Variants in ADGRG2 observed in about 807,000 individuals in gnomAD.
The protein encoded by ADGRG2 is adhesion G protein-coupled receptor G2.
ADGRG2 carries 26 observed loss-of-function variants against 74.1 expected under a neutral mutation model. That is an observed-to-expected ratio of 0.35 (90% CI 0.26 to 0.49). The LOEUF (loss-of-function observed/expected upper bound fraction) is 0.49. Among genes scored for constraint, ADGRG2 ranks in the 20% least tolerant of loss-of-function variants. ADGRG2 has a pLI of 0.99. For missense variants in ADGRG2, 619 were observed against 763.1 expected, an observed-to-expected ratio of 0.81 and a Z score of 2.22; for synonymous variants, 296 against 295.2, an observed-to-expected ratio of 1.00 and a Z score of -0.03.
At chrX:19,013,101 G>C (rs778168166) in intron 16 of ADGRG2, among the ~76,000 whole-genome samples, 1 of 111,012 alleles carries the variant, frequency 9.0e-6, no homozygotes, top group African/African-American at 3.3e-5. Context: ...CCCAAGCCTG[G>C]GTCTTCACAG....
At chrX:19,101,439 G>C (rs548458277) in intron 1 of ADGRG2, among the ~76,000 whole-genome samples, 56 of 111,245 alleles carry the variant, frequency 5.0e-4, no homozygotes, top group African/African-American at 1.8e-3. Context: ...GGTGGCTCAC[G>C]CCTGTAATCC....
At chrX:19,030,378 G>A (rs2060800915) in intron 9 of ADGRG2, among the ~76,000 whole-genome samples, 1 of 112,120 alleles carries the variant, frequency 8.9e-6, no homozygotes, top group Non-Finnish European at 1.9e-5. Context: ...CTGGCCCATG[G>A]CAGAAGGGAA....
chrX:19,113,274 A>G (rs999366847), intron 1 of ADGRG2, among the ~76,000 whole-genome samples: 1 of 109,062 alleles, frequency 9.2e-6, no homozygotes, highest in Non-Finnish European at 1.9e-5. Context: ...GCTACTCGGG[A>G]AGCTGAGGCA....
chrX:19,105,948 A>AAAAAG (rs2062282085), intron 1 of ADGRG2, among the ~76,000 whole-genome samples: 1 of 106,493 alleles, frequency 9.4e-6, no homozygotes, highest in African/African-American at 3.4e-5. Flanking sequence ...AAAAAAAAAA[A>AAAAAG]AAGAAGAAGA....
In ADGRG2 at chrX:19,117,119, G is replaced by A. The variant is rs573068282; in HGVS notation, c.-47+5323C>T. On this transcript the variant is annotated intron_variant, in intron 1 of 28. Coordinates refer to ENST00000379869, the MANE Select transcript of ADGRG2 (RefSeq NM_001079858.3). ...AACCTGGCCAAGATGGTGAAACCTC[G>A]TCTCTACTAAAAATACAAAAAAAAA... Among the ~76,000 whole-genome samples the A allele has an allele frequency of 1.6e-4, 18 of 109,393 alleles. No homozygotes were observed. In the South Asian group the frequency reaches 7.2e-3, roughly 44 times the overall value. 95.0% of individuals were successfully genotyped at this position (109,393 alleles called of 115,157 possible).
At chrX:19,009,112 A>C (rs933664404) in intron 18 of ADGRG2, among the ~76,000 whole-genome samples, 3 of 110,793 alleles carry the variant, frequency 2.7e-5, no homozygotes, top group Admixed American at 1.9e-4. Context: ...TCCAAAATTC[A>C]GCTGCTAAAG....
rs1174223314 is a variant in ADGRG2, at chrX:19,009,712, G to A, written c.1336C>T (p.Pro446Ser). The stretch of plus-strand genomic sequence containing the variant: ...CTGATCACAGCCAGAGCCAAAGAAG[G>A]GGAGGTTAGACTTATAGTCGTGTTT... ...FSNTTISLTSPSLALAVIRVN... is the reference protein window; with the variant it reads ...FSNTTISLTSSSLALAVIRVN... The change falls in exon 18 of 29, where the codon CCT (proline) becomes TCT (serine). Residue 446 changes from proline to serine, a missense_variant. Pro to Ser is a moderately conservative substitution (Grantham distance 74). Coordinates refer to ENST00000379869, the MANE Select transcript of ADGRG2 (RefSeq NM_001079858.3). The A allele has an allele frequency of 8.3e-7, 1 of 1,202,037 alleles. No homozygotes were observed. Among genetic ancestry groups the A allele is most frequent in the East Asian group, 3.0e-5 (1 of 33,836 alleles).
At chrX:19,007,134 G>A in intron 20 of ADGRG2, 101 bp downstream of exon 20, 2 of 864,801 alleles carry the variant, frequency 2.3e-6, no homozygotes, top group Non-Finnish European at 3.4e-6. Context: ...TGAGCTGAAG[G>A]TTCTTTCTGC....
At chrX:19,050,906 C>T (rs2061307849) in intron 3 of ADGRG2, among the ~76,000 whole-genome samples, 1 of 111,378 alleles carries the variant, frequency 9.0e-6, no homozygotes, top group African/African-American at 3.3e-5. Context: ...CCGGACCTCA[C>T]AGTCTCAGAG....
In ADGRG2 at chrX:18,996,092, C is replaced by T. The variant is rs142899178; in HGVS notation, c.2675G>A (p.Arg892Gln). 2.4e-3 allele frequency: 2,887 copies of T among 1,186,107 alleles called. 5 individuals are homozygous for T. Among genetic ancestry groups the T allele is most frequent in the Non-Finnish European group, 3.1e-3 (2,707 of 874,923 alleles). ...CCGTAACTTTCCACAACAAAGATAC[C>T]GCCTCCATTGCTTCCTGACATTTTC... ...AKENVRKQWR[R>Q]YLCCGKLRLA... The change falls in exon 27 of 29, where the codon CGG becomes CAG. Residue 892 changes from arginine (R) to glutamine (Q), a missense_variant. This residue lies in a region of ADGRG2 where 106 missense variants were observed against 104.5 expected (regional missense o/e 1.01). Transcript: ENST00000379869.
chrX:19,012,660 A>T (rs969091462), intron 16 of ADGRG2, among the ~76,000 whole-genome samples: 5 of 109,145 alleles, frequency 4.6e-5, no homozygotes, highest in Admixed American at 9.9e-5. Context: ...GAAACAATTT[A>T]AAAAACTTTA....
chrX:19,030,073 A>G (rs1268630939), intron 9 of ADGRG2, among the ~76,000 whole-genome samples: 1 of 112,068 alleles, frequency 8.9e-6, no homozygotes, highest in Admixed American at 9.5e-5. Context: ...AATTTATCCA[A>G]CCTTATTTTA....
intron 9 of ADGRG2, among the ~76,000 whole-genome samples, chrX:19,029,601 G>A (rs1018346730): frequency 2.7e-5 from 3 of 111,229 alleles, no homozygotes; most frequent in Non-Finnish European, 3.8e-5. Context: ...TGTTGTCACC[G>A]ACACTAAAAC....
chrX:19,014,033 C>T lies in ADGRG2; in HGVS notation c.752G>A (p.Arg251His). The T allele has an allele frequency of 8.3e-7, 1 of 1,206,540 alleles. No individual in the cohort carries two copies. Among genetic ancestry groups the T allele is most frequent in the Non-Finnish European group, 1.1e-6 (1 of 892,195 alleles). Residue 251 changes from arginine to histidine, a missense_variant, in exon 16 of 29, where the codon CGT (arginine) becomes CAT (histidine). Physicochemically the swap from Arg to His is conservative, Grantham distance 29. This residue lies in a region of ADGRG2 where 292 missense variants were observed against 318.0 expected (regional missense o/e 0.92). Coordinates refer to ENST00000379869, the MANE Select transcript of ADGRG2 (RefSeq NM_001079858.3). ...TTGGCTGGAAGAAAATGGTGGGCCA[C>T]GTGGATGGTCAGCAAGACAGACAAT... ...DPIVCLADHP[R>H]GPPFSSSQSI... is the part of the protein sequence containing the mutation.
At chrX:19,003,694 G>C (rs769807572) in intron 23 of ADGRG2, among the ~76,000 whole-genome samples, 1 of 111,530 alleles carries the variant, frequency 9.0e-6, no homozygotes, top group African/African-American at 3.3e-5. Flanking sequence ...GACTGTTGAC[G>C]CATACTTTTA....
At chrX:19,007,749 G>T in intron 19 of ADGRG2, among the ~76,000 whole-genome samples, 1 of 112,058 alleles carries the variant, frequency 8.9e-6, no homozygotes, top group Non-Finnish European at 1.9e-5. Flanking sequence ...GTTAACATTT[G>T]TAACTGCTTA....
In ADGRG2 at chrX:18,991,013, T is replaced by C. The variant is rs1357687185; in HGVS notation, c.2905A>G (p.Ser969Gly). 1 of 1,198,937 alleles carries C rather than the reference T, an allele frequency of 8.3e-7. No individual in the cohort carries two copies. The change falls in exon 29 of 29, where the codon AGT (serine) becomes GGT (glycine). Residue 969 changes from serine (S) to glycine (G), a missense_variant. Ser to Gly is a moderately conservative substitution (Grantham distance 56). Coordinates refer to ENST00000379869, the MANE Select transcript of ADGRG2 (RefSeq NM_001079858.3). ...ASTERNGVSFSVQNGDVCLHD... is the reference protein window; with the variant it reads ...ASTERNGVSFGVQNGDVCLHD... ...AGGCACACATCTCCATTCTGAACACTAAAAGAGACCCCATTCCTCTCTGTA... is the reference window on the plus strand; with the variant it reads ...AGGCACACATCTCCATTCTGAACACCAAAAGAGACCCCATTCCTCTCTGTA...
At chrX:19,030,851 C>G in intron 9 of ADGRG2, 133 bp downstream of exon 9, 1 of 439,640 alleles carries the variant, frequency 2.3e-6, no homozygotes, top group Admixed American at 3.8e-5. Context: ...ATTAGGGACT[C>G]CTAGTAGCCA....
At chrX:19,066,007 C>T (rs1211988853) in intron 3 of ADGRG2, among the ~76,000 whole-genome samples, 3 of 111,742 alleles carry the variant, frequency 2.7e-5, no homozygotes, top group East Asian at 2.8e-4. Context: ...CCACCACGCC[C>T]GGCTAATTTT....
Sources: allele counts gnomAD v4.1 joint callset (sites outside exome capture counted in the v4.1 genomes callset), GRCh38; gene constraint gnomAD v4.1.1; regional missense constraint gnomAD v4.1.1; transcripts MANE v1.5; gene names NCBI Gene and HGNC (gene_info 2026-07-23, HGNC 2026-07-21).